The following NMNAT2 variants were observed in gnomAD, a reference collection of about 807,000 sequenced individuals.
NMNAT2 encodes nicotinamide/nicotinic acid mononucleotide adenylyltransferase 2.
NMNAT2 carries 11 observed loss-of-function variants against 41.6 expected under a neutral mutation model. The observed-to-expected ratio is 0.26, with a 90% CI of 0.17 to 0.44. The LOEUF is 0.44. Ranked by LOEUF, NMNAT2 falls within the 20% of genes least tolerant of loss-of-function variation. The pLI is 1.00. For synonymous variants in NMNAT2, 148 were observed against 151.2 expected, an observed-to-expected ratio of 0.98 and a Z score of 0.16; for missense variants, 288 against 407.7, an observed-to-expected ratio of 0.71 and a Z score of 2.53.
chr1:183,399,746 G>A (rs1016405858), intron 1 of NMNAT2, among the ~76,000 whole-genome samples: 7 of 152,290 alleles, frequency 4.6e-5, no homozygotes, highest in African/African-American at 1.7e-4. Flanking sequence ...TGGGATGCAA[G>A]GCTGGCTCAA....
intron 1 of NMNAT2, among the ~76,000 whole-genome samples, chr1:183,381,045 A>G (rs1329057713): frequency 1.3e-5 from 2 of 152,114 alleles, no homozygotes; most frequent in African/African-American, 4.8e-5. Context: ...GGGATGATAT[A>G]ATGAGGAGCT....
chr1:183,280,656 G>A (rs1661238482), intron 7 of NMNAT2, among the ~76,000 whole-genome samples: 1 of 151,802 alleles, frequency 6.6e-6, no homozygotes, highest in Admixed American at 6.6e-5. Flanking sequence ...CCAAAGTGCT[G>A]GAATTACAGG....
At chr1:183,304,690 TCCCAGAG>T (rs1661954830) in intron 1 of NMNAT2, 1 of 1,613,936 alleles carries the variant, frequency 6.2e-7, no homozygotes, top group African/African-American at 1.3e-5. Flanking sequence ...AACAAACACT[TCCCAGAG>T]CCCCTGGCAG....
chr1:183,293,683 A>T lies in NMNAT2; in HGVS notation c.174+22T>A, dbSNP rs755195065. 9 of 1,555,178 alleles carry T rather than the reference A, an allele frequency of 5.8e-6. No homozygotes were observed. The South Asian group carries it at 1.0e-4, about 17-fold the overall frequency. On this transcript the variant is annotated intron_variant, in intron 2 of 10. Coordinates refer to ENST00000287713, the MANE Select transcript of NMNAT2 (RefSeq NM_015039.4). ...TGGGGGGACGGGGATTGAAGAGGAGAGGGGCACAGGAAGGAACCCACCTGT... is the reference window on the plus strand; with the variant it reads ...TGGGGGGACGGGGATTGAAGAGGAGTGGGGCACAGGAAGGAACCCACCTGT...
At chr1:183,390,581 G>A (rs1417645444) in intron 1 of NMNAT2, among the ~76,000 whole-genome samples, 1 of 152,150 alleles carries the variant, frequency 6.6e-6, no homozygotes, top group Non-Finnish European at 1.5e-5. Context: ...CTGTTTACAA[G>A]GTAGTGATTT....
chr1:183,288,642 C>T (rs896996821), intron 4 of NMNAT2, among the ~76,000 whole-genome samples: 1 of 152,358 alleles, frequency 6.6e-6, no homozygotes, highest in East Asian at 1.9e-4. Flanking sequence ...CCTTTCCTCT[C>T]TTCTGTCATG....
At chr1:183,407,239 C>T (rs1314545417) in intron 1 of NMNAT2, among the ~76,000 whole-genome samples, 2 of 152,234 alleles carry the variant, frequency 1.3e-5, no homozygotes, top group East Asian at 1.9e-4. Context: ...CCAAGTTACA[C>T]ACTTCATAGC....
intron 1 of NMNAT2, among the ~76,000 whole-genome samples, chr1:183,381,980 C>G (rs1663811168): frequency 6.6e-6 from 1 of 152,202 alleles, no homozygotes; most frequent in African/African-American, 2.4e-5. Context: ...GCATTATGCT[C>G]TGATACAGAT....
At chr1:183,390,610 G>GA (rs1237023876) in intron 1 of NMNAT2, among the ~76,000 whole-genome samples, 3 of 152,174 alleles carry the variant, frequency 2.0e-5, no homozygotes, top group African/African-American at 7.2e-5. Flanking sequence ...ACTTAAAATT[G>GA]AAAAAACACA....
chr1:183,261,947 G>A (rs1341617123), intron 8 of NMNAT2, among the ~76,000 whole-genome samples: 1 of 151,236 alleles, frequency 6.6e-6, no homozygotes, highest in Non-Finnish European at 1.5e-5. Flanking sequence ...TTTTTTTGAG[G>A]CATGGTCTCA....
chr1:183,393,476 T>TAA (rs540689765), intron 1 of NMNAT2, among the ~76,000 whole-genome samples: 22 of 146,460 alleles, frequency 1.5e-4, no homozygotes, highest in Non-Finnish European at 2.3e-4. Flanking sequence ...CAGTTGGCTT[T>TAA]AAAAAAAAAA....
intron 1 of NMNAT2, among the ~76,000 whole-genome samples, chr1:183,320,913 TCC>T (rs1446962391): frequency 8.5e-5 from 13 of 152,186 alleles, no homozygotes; most frequent in African/African-American, 2.9e-4. Context: ...AGAGAAGTCA[TCC>T]CTTTTTATTT....
intron 8 of NMNAT2, among the ~76,000 whole-genome samples, chr1:183,271,731 G>T (rs1170951170): frequency 6.6e-6 from 1 of 152,100 alleles, no homozygotes; most frequent in Non-Finnish European, 1.5e-5. Flanking sequence ...ATTGAAGAAA[G>T]GAATGCTTGA....
chr1:183,340,513 A>G (rs1324247565), intron 1 of NMNAT2, among the ~76,000 whole-genome samples: 3 of 151,988 alleles, frequency 2.0e-5, no homozygotes, highest in Non-Finnish European at 4.4e-5. Context: ...TAGTGGAGAC[A>G]GGGTTTCACC....
chr1:183,352,345 C>T (rs1404494476), intron 1 of NMNAT2, among the ~76,000 whole-genome samples: 1 of 151,998 alleles, frequency 6.6e-6, no homozygotes, highest in East Asian at 1.9e-4. Context: ...GGGTGGATCA[C>T]CTGAAGTCAG....
intron 8 of NMNAT2, among the ~76,000 whole-genome samples, chr1:183,277,981 T>C (rs2102296504): frequency 6.6e-6 from 1 of 152,260 alleles, no homozygotes; most frequent in South Asian, 2.1e-4. Flanking sequence ...GAGTGAGTAA[T>C]TTAAGGGTGA....
At chr1:183,327,902 G>A (rs1382111971) in intron 1 of NMNAT2, among the ~76,000 whole-genome samples, 2 of 151,848 alleles carry the variant, frequency 1.3e-5, no homozygotes, top group Admixed American at 6.6e-5. Context: ...GGCTCCCCTG[G>A]GTTTCAGAGG....
intron 1 of NMNAT2, among the ~76,000 whole-genome samples, chr1:183,299,363 G>A (rs937349783): frequency 7.9e-5 from 12 of 151,708 alleles, no homozygotes; most frequent in African/African-American, 1.9e-4. Context: ...GTGACACAGC[G>A]AGACTCTGTC....
intron 1 of NMNAT2, among the ~76,000 whole-genome samples, chr1:183,358,232 C>T (rs1474556756): frequency 1.3e-5 from 2 of 151,978 alleles, no homozygotes; most frequent in Non-Finnish European, 2.9e-5. Context: ...AATGCATGGA[C>T]ACATAGAGGG....
Sources: allele counts gnomAD v4.1 joint callset (sites outside exome capture counted in the v4.1 genomes callset), GRCh38; gene constraint gnomAD v4.1.1; transcripts MANE v1.5; gene names NCBI Gene and HGNC (gene_info 2026-07-23, HGNC 2026-07-21).